Variants in DDB1 observed in about 807,000 individuals in gnomAD.
DDB1 encodes the protein DNA damage-binding protein 1.
In DDB1, 18 loss-of-function variants were observed where a neutral mutation model predicts 133.1. The observed-to-expected ratio is 0.14, with a 90% CI of 0.09 to 0.20. The LOEUF (loss-of-function observed/expected upper bound fraction) is 0.20, where lower values mean the gene tolerates loss of function less well. Ranked by LOEUF, DDB1 falls within the 10% of genes least tolerant of loss-of-function variation. DDB1 has a pLI of 1.00. For synonymous variants in DDB1, 580 were observed against 550.5 expected (o/e 1.05, Z -0.75); for missense variants, 828 against 1,459.2 (o/e 0.57, Z 7.05).
chr11:61,321,431 C>G, intron 10 of DDB1, 164 bp downstream of exon 10: 1 of 310,992 alleles, frequency 3.2e-6, no homozygotes, highest in East Asian at 5.9e-5. Context: ...CTAAAGTTTA[C>G]TTTTATACTT....
chr11:61,301,509 T>C (rs1855794518), intron 25 of DDB1: 1 of 152,586 alleles, frequency 6.6e-6, no homozygotes, highest in African/African-American at 2.4e-5. Flanking sequence ...ATGTCAAGGC[T>C]GCAGTGAGCC....
intron 15 of DDB1, 72 bp from the exon 16 acceptor site, chr11:61,313,778 A>T (rs1176975695): frequency 6.3e-7 from 1 of 1,588,398 alleles, no homozygotes; most frequent in Non-Finnish European, 8.6e-7. Context: ...GAAAGTTCAA[A>T]AGCAGAACCC....
rs1156845681 is a variant in DDB1 at position 61,323,959 on chromosome 11, A to AAT, written c.921+19_921+20insAT. The AAT allele has an allele frequency of 6.2e-7, 1 of 1,613,810 alleles. No homozygotes were observed. Among genetic ancestry groups the AAT allele is most frequent in the Non-Finnish European group, 8.5e-7 (1 of 1,179,882 alleles). ...GAACCTAAAAGAACATTGTAGAGGA[A>AAT]CAGGGAGAACAAGCTCTACCTCTCC... On this transcript the variant is annotated intron_variant, in intron 7 of 26. Transcript: ENST00000301764.
rs1856333082 is a variant in DDB1 at position 61,329,651 on chromosome 11, C to T, written c.328-67G>A. 30 of 1,459,454 alleles carry T rather than the reference C, an allele frequency of 2.1e-5. 3 individuals are homozygous for T. The South Asian group carries it at 3.7e-4, about 18-fold the overall frequency. The allele number at this position is 1,459,454 out of a possible 1,614,324, so 90.4% of individuals were successfully genotyped here. On this transcript the variant is annotated intron_variant, in intron 3 of 26. Transcript: ENST00000301764. ...ACAGAGCAACAGAGGACGCTGGGCA[C>T]CACTTGTGCAGAAAAATTTTAGGAG... is the stretch of plus-strand genomic sequence containing the variant.
chr11:61,322,649 G>A, intron 8 of DDB1: 2 of 548,212 alleles, frequency 3.6e-6, no homozygotes, highest in African/African-American at 1.9e-5. Context: ...TTTCAGAGAA[G>A]TAGTGAATGT....
intron 9 of DDB1, 152 bp from the exon 10 acceptor site, chr11:61,321,849 A>G (rs1405207800): frequency 4.5e-6 from 3 of 663,502 alleles, no homozygotes; most frequent in Non-Finnish European, 7.8e-6. Flanking sequence ...GTTGATTTCC[A>G]AAGTCTTTCA....
At chr11:61,314,656 A>G (rs1232120348) in intron 12 of DDB1, 170 bp from the exon 13 acceptor site, 3 of 675,254 alleles carry the variant, frequency 4.4e-6, no homozygotes, top group Non-Finnish European at 7.0e-6. Flanking sequence ...TCATTTTTGC[A>G]TGAATGCCTG....
intron 26 of DDB1, among the ~76,000 whole-genome samples, 194 bp downstream of exon 26, chr11:61,300,615 C>G (rs1401811492): frequency 6.6e-6 from 1 of 152,224 alleles, no homozygotes; most frequent in African/African-American, 2.4e-5. Flanking sequence ...GCATCTGGTA[C>G]CTAGTGGGTA....
intron 6 of DDB1, 120 bp from the exon 7 acceptor site, chr11:61,324,257 A>T: frequency 9.9e-7 from 1 of 1,015,226 alleles, no homozygotes; most frequent in Non-Finnish European, 1.5e-6. Flanking sequence ...AATCGCTCAG[A>T]TAACATTACA....
intron 3 of DDB1, among the ~76,000 whole-genome samples, 185 bp downstream of exon 3, chr11:61,329,773 T>A (rs1856334824): frequency 6.6e-6 from 1 of 152,184 alleles, no homozygotes; most frequent in Middle Eastern, 3.2e-3. Flanking sequence ...CTCAATGAAT[T>A]ATTACCCTGT....
rs56358658 is a variant in DDB1 at position 61,323,113 on chromosome 11, C to G, written c.922-19G>C. 6.2e-7 allele frequency: 1 copy of G among 1,609,106 alleles called. No homozygotes were observed. Among genetic ancestry groups the G allele is most frequent in the Non-Finnish European group, 8.5e-7 (1 of 1,176,400 alleles). The stretch of plus-strand genomic sequence containing the variant: ...TAGAGGTCTGGAAGAAAGTCAGCAA[C>G]GTGAAAGAAATGAGAATGGACCCTA... On this transcript the variant is annotated intron_variant, in intron 7 of 26. Coordinates refer to ENST00000301764, the MANE Select transcript of DDB1 (RefSeq NM_001923.5).
intron 8 of DDB1, 68 bp downstream of exon 8, chr11:61,322,943 A>G (rs1449351792): frequency 1.5e-6 from 2 of 1,315,464 alleles, no homozygotes; most frequent in Non-Finnish European, 2.1e-6. Flanking sequence ...GGTGCCAAAC[A>G]TAGGAGAAAT....
chr11:61,302,828 G>A, intron 23 of DDB1, 77 bp from the exon 24 acceptor site: 2 of 1,570,120 alleles, frequency 1.3e-6, no homozygotes, highest in Non-Finnish European at 1.7e-6. Flanking sequence ...ACGTGCAGTG[G>A]TCACGGTGCT....
Position 61,318,043 on chromosome 11 carries a change from A to T in DDB1, c.1226-1476T>A, listed in dbSNP as rs78558735. Among the ~76,000 whole-genome samples, 505 of 152,168 alleles carry T rather than the reference A, an allele frequency of 3.3e-3. 5 individuals carry two copies. Among genetic ancestry groups the T allele is most frequent in the African/African-American group, 0.012 (485 of 41,506 alleles). On this transcript the variant is annotated intron_variant, in intron 10 of 26. Transcript: ENST00000301764. ...GGCCCACTATGCAACACTAAGCTTA[A>T]TTTTTTTTACTTTAAGGAAATAGAG...
chr11:61,302,629 G>T lies in DDB1; in HGVS notation c.3065C>A (p.Thr1022Asn). ...LVMQNLGETSTPTQGSVLFGT... is the reference protein window; with the variant it reads ...LVMQNLGETSNPTQGSVLFGT... ...GAAGAGCACCGAGCCTTGTGTGGGGGTGGAAGTCTCACCCAGATTCTGCAT... is the reference window on the plus strand; with the variant it reads ...GAAGAGCACCGAGCCTTGTGTGGGGTTGGAAGTCTCACCCAGATTCTGCAT... Residue 1022 changes from threonine (T) to asparagine (N), a missense_variant, in exon 24 of 27, where the codon ACC becomes AAC. Thr to Asn is a moderately conservative substitution (Grantham distance 65, BLOSUM62 0). Coordinates refer to ENST00000301764, the MANE Select transcript of DDB1 (RefSeq NM_001923.5). 1.9e-6 allele frequency: 3 copies of T among 1,614,240 alleles called. No individual in the cohort carries two copies. The highest frequency in any genetic ancestry group is 2.5e-6 in the Non-Finnish European group (3 of 1,180,040).
At chr11:61,305,388 T>A (rs1855867881) in intron 21 of DDB1, among the ~76,000 whole-genome samples, 2 of 152,122 alleles carry the variant, frequency 1.3e-5, no homozygotes. Context: ...GTGCCTGTAA[T>A]CCCAGCTACT....
intron 10 of DDB1, among the ~76,000 whole-genome samples, chr11:61,318,490 T>C (rs1380161378): frequency 6.6e-6 from 1 of 152,120 alleles, no homozygotes; most frequent in Non-Finnish European, 1.5e-5. Context: ...AGTACTGCTG[T>C]TTGGTGTTAA....
intron 22 of DDB1, 146 bp from the exon 23 acceptor site, chr11:61,303,301 G>C (rs1855829420): frequency 1.4e-6 from 1 of 695,218 alleles, no homozygotes; most frequent in African/African-American, 1.8e-5. Context: ...ACCCTAGAGG[G>C]ATTCTCCCCG....
At position 61,314,290 on chromosome 11, in the gene DDB1, A is replaced by C. The variant is rs952995386; in HGVS notation, c.1589+18T>G. 44 of 1,600,158 alleles carry C rather than the reference A, an allele frequency of 2.7e-5. No homozygotes were observed. Among genetic ancestry groups the C allele is most frequent in the Non-Finnish European group, 3.7e-5 (44 of 1,173,580 alleles). ...GAGAAAAGAGGAGGAAAGCGAGCAG[A>C]CAGAAAAACACACACACCTGATCTG... On this transcript the variant is annotated intron_variant, in intron 13 of 26. Coordinates refer to ENST00000301764, the MANE Select transcript of DDB1 (RefSeq NM_001923.5).
Sources: gnomAD v4.1 joint callset for allele counts (sites outside exome capture counted in the v4.1 genomes callset) on GRCh38, gnomAD v4.1.1 for gene constraint, MANE v1.5 for transcripts, NCBI Gene and HGNC (gene_info 2026-07-23, HGNC 2026-07-21) for gene names.